Variants in SALL1 observed in about 807,000 individuals in gnomAD.
SALL1 encodes the protein sal-like protein 1.
A neutral mutation model predicts 73.1 loss-of-function variants in SALL1; 10 were observed. That is an observed-to-expected ratio of 0.14 (90% CI 0.08 to 0.23). The LOEUF (loss-of-function observed/expected upper bound fraction) is 0.23. Ranked by LOEUF, SALL1 falls within the 10% of genes least tolerant of loss-of-function variation. The pLI is 1.00. For missense variants in SALL1, 1,520 were observed against 1,697.3 expected (o/e 0.90, Z 1.84); for synonymous variants, 688 against 689.8 (o/e 1.00, Z 0.04).
Position 51,140,315 on chromosome 16 carries a change from G to T in SALL1, c.1907C>A (p.Thr636Lys). Residue 636 changes from threonine (T) to lysine (K), a missense_variant, in exon 2 of 3, where the codon ACG (threonine) becomes AAG (lysine). Coordinates refer to ENST00000251020, the MANE Select transcript of SALL1 (RefSeq NM_002968.3). The surrounding 1 kb of genome is among the most constrained non-coding windows in gnomAD (Gnocchi z 5.7). ...GGAGCTCAGGACGCTACTGCTCGCC[G>T]TCGGGACTGAGTTGGTGACCATGCC... The part of the protein sequence containing the change: ...ESGMVTNSVP[T>K]ASSSVLSSPA... The T allele has an allele frequency of 1.2e-6, 2 of 1,614,072 alleles. No homozygotes were observed. Among genetic ancestry groups the T allele is most frequent in the East Asian group, 4.5e-5 (2 of 44,880 alleles).
Position 51,137,481 on chromosome 16 carries a change from G to T in SALL1, c.3606C>A (p.Pro1202=). 6.2e-7 allele frequency: 1 copy of T among 1,614,068 alleles called. No homozygotes were observed. Among genetic ancestry groups the T allele is most frequent in the Non-Finnish European group, 8.5e-7 (1 of 1,180,000 alleles). The change falls in exon 3 of 3, where the codon CCC becomes CCA. Residue 1202 remains proline (P), a synonymous_variant. Transcript: ENST00000251020. ...CGGGATTGCCTCCTAGAAATGTCATGGGGCCATCCACAGAGAGCCGCCGAC... is the reference window on the plus strand; with the variant it reads ...CGGGATTGCCTCCTAGAAATGTCATTGGGCCATCCACAGAGAGCCGCCGAC... ...RRGRRLSVDG[P]MTFLGGNPVK...
intron 1 of SALL1, chr16:51,143,346 G>T: frequency 2.3e-6 from 1 of 426,554 alleles, no homozygotes; most frequent in Non-Finnish European, 4.7e-6. Context: ...GCTTCCCATT[G>T]TTTGCCCAGC....
At chr16:51,152,127 C>G (rs1031007773), upstream of SALL1, 1 of 152,184 alleles carries the variant, frequency 6.6e-6, no homozygotes, top group Non-Finnish European at 1.5e-5. Context: ...AGTTCTCCAT[C>G]CCCTGGATCC....
Position 51,141,148 on chromosome 16 carries a change from T to G in SALL1, c.1074A>C (p.Ser358=). Residue 358 remains serine (S), a synonymous_variant, in exon 2 of 3, where the codon TCA becomes TCC. Coordinates refer to ENST00000251020, the MANE Select transcript of SALL1 (RefSeq NM_002968.3). The surrounding 1 kb of genome is among the most constrained non-coding windows in gnomAD (Gnocchi z 5.4). ...VTTPSSEKVA[S]SAGASHVSNP... Reference sequence around the variant, plus strand: ...TGCTGACATGGGAGGCCCCAGCACTTGAAGCCACTTTTTCAGAGGACGGGG... The same window carrying G: ...TGCTGACATGGGAGGCCCCAGCACTGGAAGCCACTTTTTCAGAGGACGGGG... The G allele has an allele frequency of 6.2e-7, 1 of 1,614,196 alleles. No homozygotes were observed. The highest frequency in any genetic ancestry group is 8.5e-7 in the Non-Finnish European group (1 of 1,180,028).
Position 51,139,286 on chromosome 16 carries a change from T to C in SALL1, c.2936A>G (p.Lys979Arg), listed in dbSNP as rs1328621435. The C allele has an allele frequency of 6.2e-7, 1 of 1,614,034 alleles. No individual in the cohort carries two copies. The highest frequency in any genetic ancestry group is 2.2e-5 in the East Asian group (1 of 44,894). The change falls in exon 2 of 3, where the codon AAA becomes AGA. Residue 979 changes from lysine to arginine, a missense_variant. Around this residue, in one of 7 missense-constraint regions of SALL1, gnomAD observed 266 missense variants for 275.1 expected, o/e 0.97. Coordinates refer to ENST00000251020, the MANE Select transcript of SALL1 (RefSeq NM_002968.3). Reference sequence around the variant, plus strand: ...CCCCAAAGAATCTTCTTTGATGATTTTCTCTGCGTGACTAGATGTCAAATC... The same window carrying C: ...CCCCAAAGAATCTTCTTTGATGATTCTCTCTGCGTGACTAGATGTCAAATC... ...ALDLTSSHAE[K>R]IIKEDSLGIL...
chr16:51,137,572 G>A lies in SALL1; in HGVS notation c.3535-20C>T, dbSNP rs775777270. 1 of 1,590,934 alleles carries A rather than the reference G, an allele frequency of 6.3e-7. No homozygotes were observed. The highest frequency in any genetic ancestry group is 8.6e-7 in the Non-Finnish European group (1 of 1,160,488). The stretch of plus-strand genomic sequence containing the variant: ...GTGTACCTGAGATATGGGGAGGGCA[G>A]GCAGAGAGACAGAGAGAGAGAGAGA... On this transcript the variant is annotated intron_variant, in intron 2 of 2. Coordinates refer to ENST00000251020, the MANE Select transcript of SALL1 (RefSeq NM_002968.3).
At position 51,137,113 on chromosome 16, in the gene SALL1, T is replaced by G; in HGVS notation, c.3974A>C (p.Ter1325SerextTer39). Residue 1325 changes from the stop codon to serine, a stop_lost, in exon 3 of 3, where the codon TAA becomes TCA. Coordinates refer to ENST00000251020, the MANE Select transcript of SALL1 (RefSeq NM_002968.3). Reference protein sequence around the residue: ...VEDSKEIVTS* With the variant: ...VEDSKEIVTSS The stretch of plus-strand genomic sequence containing the variant: ...GCTATGTCTCCAGCCCGAGCTGCTT[T>G]AACTCGTGACGATCTCCTTGCTGTC... 6.2e-7 allele frequency: 1 copy of G among 1,614,168 alleles called. No homozygotes were observed. The highest frequency in any genetic ancestry group is 8.5e-7 in the Non-Finnish European group (1 of 1,180,036).
rs1962502193 is a variant in SALL1 at position 51,145,394 on chromosome 16, G to A, written c.77-3249C>T. On this transcript the variant is annotated intron_variant, in intron 1 of 2. Transcript: ENST00000251020. ...GTACTATGGTGAAAATAACATTCCTGTTCCTTTTCTATGGATTTTGCATAC... is the reference window on the plus strand; with the variant it reads ...GTACTATGGTGAAAATAACATTCCTATTCCTTTTCTATGGATTTTGCATAC... Among the ~76,000 whole-genome samples, 2 of 152,018 alleles carry A rather than the reference G, an allele frequency of 1.3e-5. 1 individual carries two copies. Among genetic ancestry groups the A allele is most frequent in the Non-Finnish European group, 2.9e-5 (2 of 67,970 alleles).
At chr16:51,148,895 G>C (rs1962555521) in intron 1 of SALL1, among the ~76,000 whole-genome samples, 1 of 152,248 alleles carries the variant, frequency 6.6e-6, no homozygotes, top group East Asian at 1.9e-4. Flanking sequence ...AAAAAGAGGA[G>C]GGGGTGGGGA....
rs572826023 is a variant in SALL1 at position 51,136,067 on chromosome 16, A to G, written c.*1045T>C. Reference sequence around the variant, plus strand: ...CTGTTGTTAGTAAGTATTAAATGTTAAAGAAATTGGACCCCCCCTTTCCTT... The same window carrying G: ...CTGTTGTTAGTAAGTATTAAATGTTGAAGAAATTGGACCCCCCCTTTCCTT... On this transcript the variant is annotated 3_prime_UTR_variant, in exon 3 of 3. Transcript: ENST00000251020. 3 of 152,792 alleles carry G rather than the reference A, an allele frequency of 2.0e-5. No individual in the cohort carries two copies. In the South Asian group the frequency reaches 6.2e-4, roughly 32 times the overall value. 9.5% of individuals were successfully genotyped at this position (152,792 alleles called of 1,614,324 possible). A position where few individuals can be genotyped will look rare whatever the true frequency, so the allele number is the denominator to read the frequency against.
In SALL1 at chr16:51,141,658, G is replaced by T. The variant is rs374734873; in HGVS notation, c.564C>A (p.Phe188Leu). 4 of 1,613,700 alleles carry T rather than the reference G, an allele frequency of 2.5e-6. No homozygotes were observed. Among genetic ancestry groups the T allele is most frequent in the Non-Finnish European group, 3.4e-6 (4 of 1,180,028 alleles). ...TGATGACGTTGCTGTTGATTACGGA[G>T]AAGTTGCCCAGTGTTGTCAGGTCCC... Reference protein sequence around the residue: ...QLGDLTTLGNFSVINSNVIIE... With the variant: ...QLGDLTTLGNLSVINSNVIIE... Residue 188 changes from phenylalanine to leucine, a missense_variant, in exon 2 of 3, where the codon TTC (phenylalanine) becomes TTA (leucine). By Grantham distance (22) the Phe-to-Leu change is conservative. Coordinates refer to ENST00000251020, the MANE Select transcript of SALL1 (RefSeq NM_002968.3). This position sits in a 1 kb window ranked among gnomAD's most constrained non-coding sequence, Gnocchi z 5.4.
In SALL1 at chr16:51,138,791, G is replaced by A; in HGVS notation, c.3431C>T (p.Ser1144Phe). The change falls in exon 2 of 3, where the codon TCC (serine) becomes TTC (phenylalanine). Residue 1144 changes from serine (S) to phenylalanine (F), a missense_variant. Coordinates refer to ENST00000251020, the MANE Select transcript of SALL1 (RefSeq NM_002968.3). ...HYCNTCGKTF[S>F]SSSALQIHER... Reference sequence around the variant, plus strand: ...GTGAATCTGCAGGGCACTCGATGAGGAGAAGGTTTTGCCACATGTGTTGCA... The same window carrying A: ...GTGAATCTGCAGGGCACTCGATGAGAAGAAGGTTTTGCCACATGTGTTGCA... 1 of 1,614,218 alleles carries A rather than the reference G, an allele frequency of 6.2e-7. No individual in the cohort carries two copies. Among genetic ancestry groups the A allele is most frequent in the Non-Finnish European group, 8.5e-7 (1 of 1,180,026 alleles).
chr16:51,142,184 C>G, intron 1 of SALL1, 39 bp from the exon 2 acceptor site: 2 of 1,451,590 alleles, frequency 1.4e-6, no homozygotes, highest in Non-Finnish European at 1.9e-6. Flanking sequence ...GAAAAGGGGC[C>G]AGGACACACA....
chr16:51,150,342 A>T lies in SALL1; in HGVS notation c.76+824T>A, dbSNP rs1198137613. The T allele has an allele frequency of 1.7e-5, 16 of 926,878 alleles. 1 individual carries two copies. The highest frequency in any genetic ancestry group is 1.9e-5 in the Non-Finnish European group (15 of 776,630). The allele number at this position is 926,878 out of a possible 1,614,324, so 57.4% of individuals were successfully genotyped here. A position where few individuals can be genotyped will look rare whatever the true frequency, so the allele number is the denominator to read the frequency against. On this transcript the variant is annotated intron_variant, in intron 1 of 2. Coordinates refer to ENST00000251020, the MANE Select transcript of SALL1 (RefSeq NM_002968.3). ...TGACTTCTTCCCTGACCCCCCTGGAAGTAGGGAGCACCACGATCCGCAGAG... is the reference window on the plus strand; with the variant it reads ...TGACTTCTTCCCTGACCCCCCTGGATGTAGGGAGCACCACGATCCGCAGAG...
At position 51,150,352 on chromosome 16, in the gene SALL1, A is replaced by C. The variant is rs148339483; in HGVS notation, c.76+814T>G. The C allele has an allele frequency of 2.8e-4, 267 of 961,764 alleles. 1 individual carries two copies. The African/African-American group carries it at 4.4e-3, about 16-fold the overall frequency. The allele number at this position is 961,764 out of a possible 1,614,324, so 59.6% of individuals were successfully genotyped here. A position where few individuals can be genotyped will look rare whatever the true frequency, so the allele number is the denominator to read the frequency against. Reference sequence around the variant, plus strand: ...CCTGACCCCCCTGGAAGTAGGGAGCACCACGATCCGCAGAGGGCGCATACC... The same window carrying C: ...CCTGACCCCCCTGGAAGTAGGGAGCCCCACGATCCGCAGAGGGCGCATACC... On this transcript the variant is annotated intron_variant, in intron 1 of 2. Coordinates refer to ENST00000251020, the MANE Select transcript of SALL1 (RefSeq NM_002968.3).
chr16:51,151,323 G>A (rs1264117687), upstream of SALL1: 18 of 1,088,286 alleles, frequency 1.7e-5, no homozygotes, highest in Middle Eastern at 3.2e-4. Flanking sequence ...GAGCGGCGGC[G>A]GCGGCGGCGG....
chr16:51,140,461 G>A lies in SALL1; in HGVS notation c.1761C>T (p.Pro587=), dbSNP rs759931470. ...PIPISHSATS[P]PGSVKSDSGG... ...CGGAGTCACTTTTGACTGAGCCTGG[G>A]GGGCTGGTGGCAGAATGGCTGATGG... The change falls in exon 2 of 3, where the codon CCC becomes CCT. Residue 587 remains proline, a synonymous_variant. Coordinates refer to ENST00000251020, the MANE Select transcript of SALL1 (RefSeq NM_002968.3). This position sits in a 1 kb window ranked among gnomAD's most constrained non-coding sequence, Gnocchi z 5.7. 6.2e-7 allele frequency: 1 copy of A among 1,613,866 alleles called. No individual in the cohort carries two copies. The highest frequency in any genetic ancestry group is 8.5e-7 in the Non-Finnish European group (1 of 1,179,812).
chr16:51,149,061 T>TTAA (rs1308443184), intron 1 of SALL1, among the ~76,000 whole-genome samples: 2 of 152,042 alleles, frequency 1.3e-5, no homozygotes, highest in Non-Finnish European at 2.9e-5. Context: ...GAAAGGAAAC[T>TTAA]TGATTGAGTT....
intron 1 of SALL1, chr16:51,150,827 G>A (rs142154922): frequency 0.013 from 3,100 of 238,708 alleles, 106 homozygotes; most frequent in African/African-American, 0.065. Context: ...CACGCCTCAT[G>A]GGGCTCCCGG....
Sources: allele counts gnomAD v4.1 joint callset (sites outside exome capture counted in the v4.1 genomes callset), GRCh38; gene constraint gnomAD v4.1.1; regional missense constraint gnomAD v4.1.1; non-coding constraint Gnocchi (gnomAD v3.1); transcripts MANE v1.5; gene names NCBI Gene and HGNC (gene_info 2026-07-23, HGNC 2026-07-21).